Variants in MTR observed in about 807,000 individuals in gnomAD.
MTR encodes the protein methionine synthase.
Under a neutral mutation model 154.8 loss-of-function variants are expected in MTR, and 84 were observed. The observed-to-expected ratio is 0.54, with a 90% CI of 0.45 to 0.65. The LOEUF is 0.65. Among genes scored for constraint, MTR ranks in the 30% least tolerant of loss-of-function variants. The pLI is 0.00. For synonymous variants in MTR, 554 were observed against 553.9 expected (o/e 1.00, Z 0.00); for missense variants, 1,275 against 1,570.2 (o/e 0.81, Z 3.18).
intron 2 of MTR, 92 bp from the exon 3 acceptor site, chr1:236,806,052 T>C: frequency 9.7e-7 from 1 of 1,029,218 alleles, no homozygotes; most frequent in Non-Finnish European, 1.5e-6. Context: ...AAAAGGTAGC[T>C]GCTGATAATG....
intron 3 of MTR, among the ~76,000 whole-genome samples, chr1:236,808,359 A>G (rs1034519800): frequency 3.9e-5 from 6 of 152,128 alleles, no homozygotes; most frequent in Non-Finnish European, 8.8e-5. Flanking sequence ...TTGCCTCTTA[A>G]GCCTATGCTC....
intron 13 of MTR, among the ~76,000 whole-genome samples, chr1:236,832,954 T>G (rs1662701131): frequency 6.6e-6 from 1 of 152,240 alleles, no homozygotes; most frequent in Non-Finnish European, 1.5e-5. Flanking sequence ...CTTCCCCTCA[T>G]TCTTGCTGCT....
chr1:236,800,182 G>A, intron 1 of MTR: 1 of 985,406 alleles, frequency 1.0e-6, no homozygotes. Context: ...CTCAGTGGAG[G>A]AGATAGGAAG....
intron 12 of MTR, among the ~76,000 whole-genome samples, chr1:236,830,967 T>A (rs1306240730): frequency 6.6e-6 from 1 of 152,236 alleles, no homozygotes; most frequent in Non-Finnish European, 1.5e-5. Flanking sequence ...TTTCTTTTAT[T>A]AACAATGAAA....
At chr1:236,820,516 C>G (rs1188031754) in intron 8 of MTR, 12 of 914,746 alleles carry the variant, frequency 1.3e-5, no homozygotes, top group Non-Finnish European at 2.1e-5. Context: ...ACTGAATGGT[C>G]TTAAGCTGTT....
At chr1:236,895,739 A>T (rs1214956918) in intron 31 of MTR, among the ~76,000 whole-genome samples, 189 bp downstream of exon 31, 1 of 152,212 alleles carries the variant, frequency 6.6e-6, no homozygotes, top group Non-Finnish European at 1.5e-5. Context: ...GTATTCTTAC[A>T]TCATTATTTT....
intron 27 of MTR, among the ~76,000 whole-genome samples, chr1:236,887,221 A>C (rs1410169616): frequency 6.6e-6 from 1 of 152,188 alleles, no homozygotes. Flanking sequence ...TGAGCGGATT[A>C]AATTGGAAAT....
intron 26 of MTR, 35 bp downstream of exon 26, chr1:236,885,254 ATGTGAC>A: frequency 7.5e-7 from 1 of 1,342,176 alleles, no homozygotes; most frequent in Non-Finnish European, 1.1e-6. Context: ...CTTGTTTTTA[ATGTGAC>A]TGTTTTTTAT....
intron 22 of MTR, 64 bp from the exon 23 acceptor site, chr1:236,873,709 T>A (rs1260090560): frequency 7.4e-7 from 1 of 1,352,210 alleles, no homozygotes; most frequent in African/African-American, 1.4e-5. Context: ...ATAAAAATGT[T>A]CATTTCAGTT....
chr1:236,853,697 TC>T (rs1210997706), intron 18 of MTR, among the ~76,000 whole-genome samples: 1 of 152,206 alleles, frequency 6.6e-6, no homozygotes, highest in Admixed American at 6.5e-5. Context: ...TGTTACATGG[TC>T]CCCACTGTTC....
intron 6 of MTR, 108 bp downstream of exon 6, chr1:236,812,952 C>T (rs758110484): frequency 2.8e-5 from 24 of 865,516 alleles, no homozygotes; most frequent in Non-Finnish European, 4.4e-5. Flanking sequence ...AATAAATTAC[C>T]TGTATTTGCT....
chr1:236,795,835 G>A, intron 1 of MTR, 98 bp downstream of exon 1: 1 of 1,575,220 alleles, frequency 6.3e-7, no homozygotes, highest in Non-Finnish European at 8.7e-7. Context: ...GGCGGGAGAC[G>A]CCCGGCGGTG....
At chr1:236,846,024 T>C (rs1201536056) in intron 15 of MTR, among the ~76,000 whole-genome samples, 5 of 152,224 alleles carry the variant, frequency 3.3e-5, no homozygotes, top group Non-Finnish European at 7.3e-5. Flanking sequence ...CTGCTGTGTT[T>C]GAGTGTTTGG....
intron 15 of MTR, among the ~76,000 whole-genome samples, chr1:236,839,392 G>GAAAT (rs35789760): frequency 0.66 from 100,062 of 151,514 alleles, 33,332 homozygotes; most frequent in African/African-American, 0.72. Flanking sequence ...TATATAAAAA[G>GAAAT]AACAAATAGC....
intron 8 of MTR, among the ~76,000 whole-genome samples, chr1:236,817,717 T>TC (rs776056327): frequency 2.0e-5 from 3 of 152,242 alleles, no homozygotes; most frequent in Admixed American, 6.5e-5. Flanking sequence ...TTCTTTTTTT[T>TC]CACACTTAAA....
At chr1:236,820,783 T>C (rs1027114757) in intron 8 of MTR, among the ~76,000 whole-genome samples, 4 of 152,096 alleles carry the variant, frequency 2.6e-5, no homozygotes, top group Non-Finnish European at 4.4e-5. Flanking sequence ...TGAAGGAGAG[T>C]TCCTGTTGTT....
At chr1:236,816,766 A>G (rs1486989104) in intron 8 of MTR, among the ~76,000 whole-genome samples, 1 of 152,190 alleles carries the variant, frequency 6.6e-6, no homozygotes, top group Non-Finnish European at 1.5e-5. Context: ...CATACTTACA[A>G]ATGGTTGCCT....
intron 23 of MTR, among the ~76,000 whole-genome samples, chr1:236,874,195 T>A (rs1237575271): frequency 6.6e-6 from 1 of 152,214 alleles, no homozygotes; most frequent in Non-Finnish European, 1.5e-5. Context: ...TGGCAAGTAA[T>A]TATTGCAACT....
At chr1:236,894,290 A>G in intron 29 of MTR, 67 bp from the exon 30 acceptor site, 1 of 1,482,918 alleles carries the variant, frequency 6.7e-7, no homozygotes, top group Admixed American at 1.7e-5. Context: ...ATTGCTCTTC[A>G]TGGTGTGCTG....
Sources: gnomAD v4.1 joint callset for allele counts (sites outside exome capture counted in the v4.1 genomes callset) on GRCh38, gnomAD v4.1.1 for gene constraint, MANE v1.5 for transcripts, NCBI Gene and HGNC (gene_info 2026-07-23, HGNC 2026-07-21) for gene names.